MCF2L: variants seen among roughly 807,000 people sequenced by gnomAD.
The protein encoded by MCF2L is MCF.2 cell line derived transforming sequence like, also known as guanine nucleotide exchange factor DBS.
MCF2L carries 97 observed loss-of-function variants against 153.4 expected under a neutral mutation model. The ratio of observed to expected loss-of-function variants is 0.63; its 90% CI spans 0.54 to 0.75. The LOEUF is 0.75. Ranked by LOEUF, MCF2L falls within the 30% of genes least tolerant of loss-of-function variation. The probability of loss-of-function intolerance (pLI) is 0.00; values close to 1 mark genes in which losing one functional copy is unlikely to be tolerated. For synonymous variants in MCF2L, 659 were observed against 632.2 expected, an observed-to-expected ratio of 1.04 and a Z score of -0.64; for missense variants, 1,347 against 1,495.2, an observed-to-expected ratio of 0.90 and a Z score of 1.64.
chr13:113,007,644 G>A (rs1478954212), intron 1 of MCF2L, among the ~76,000 whole-genome samples: 3 of 152,268 alleles, frequency 2.0e-5, no homozygotes, highest in Non-Finnish European at 4.4e-5. Context: ...TACAGACAGG[G>A]CTGAGGAAAG....
upstream of MCF2L, among the ~76,000 whole-genome samples, chr13:112,966,754 G>C (rs1456764777): frequency 6.6e-6 from 1 of 152,220 alleles, no homozygotes; most frequent in Admixed American, 6.5e-5. The surrounding 1 kb of genome is among the most constrained non-coding windows in gnomAD (Gnocchi z 4.1). Flanking sequence ...AGCGGGACAG[G>C]CCAGAGGGTG....
intron 12 of MCF2L, 126 bp downstream of exon 12, chr13:113,076,283 A>G: frequency 1.4e-6 from 1 of 723,956 alleles, no homozygotes; most frequent in South Asian, 3.4e-5. Context: ...TTTTTTTTTG[A>G]GATGGAATCT....
At chr13:113,066,871 T>A (rs928351553) in intron 8 of MCF2L, among the ~76,000 whole-genome samples, 2 of 152,240 alleles carry the variant, frequency 1.3e-5, no homozygotes, top group Non-Finnish European at 2.9e-5. Context: ...CACCCAGGCC[T>A]GGACCAAGCT....
Position 113,065,069 on chromosome 13 carries a change from A to C in MCF2L, c.740A>C (p.Lys247Thr), listed in dbSNP as rs764302488. 6.3e-7 allele frequency: 1 copy of C among 1,576,140 alleles called. No homozygotes were observed. The highest frequency in any genetic ancestry group is 1.4e-5 in the African/African-American group (1 of 71,446). ...TCAGTGCTGTGTGCGCACACAGAGA[A>C]GAAGGACAAGGCGAAGGTACATGGG... ...TSSVLCAHTE[K>T]KDKAKEDLRL... The change falls in exon 7 of 30, where the codon AAG becomes ACG. Residue 247 changes from lysine to threonine, a missense_variant. Transcript: ENST00000535094.
At chr13:113,021,984 C>T (rs1186723507) in intron 2 of MCF2L, among the ~76,000 whole-genome samples, 1 of 152,204 alleles carries the variant, frequency 6.6e-6, no homozygotes, top group African/African-American at 2.4e-5. Context: ...CTCCGGGTCA[C>T]CTGGCCCCCA....
At chr13:113,034,378 C>T (rs959746680) in intron 3 of MCF2L, among the ~76,000 whole-genome samples, 1 of 152,200 alleles carries the variant, frequency 6.6e-6, no homozygotes, top group Non-Finnish European at 1.5e-5. Context: ...CTCAAATGAT[C>T]CACCTGCCTC....
intron 27 of MCF2L, 93 bp from the exon 28 acceptor site, chr13:113,096,277 AG>A (rs2035646533): frequency 1.0e-6 from 1 of 963,436 alleles, no homozygotes; most frequent in Admixed American, 2.2e-5. Context: ...CCACCGGGGC[AG>A]GGCGCTAAGG....
Position 113,045,319 on chromosome 13 carries a change from G to A in MCF2L, c.327G>A (p.Arg109=), listed in dbSNP as rs1175067930. 3.1e-6 allele frequency: 5 copies of A among 1,614,068 alleles called. 1 individual carries two copies. The highest frequency in any genetic ancestry group is 2.7e-5 in the African/African-American group (2 of 75,082). The part of the protein sequence containing the change: ...IGFILVIDRR[R]DKWTSVKASV... The stretch of plus-strand genomic sequence containing the variant: ...TCATCCTGGTGATAGACCGGCGACG[G>A]GACAAATGGACCTCCGTGAAGGCGT... Residue 109 remains arginine, a synonymous_variant, in exon 4 of 30, where the codon CGG becomes CGA. Coordinates refer to ENST00000535094, the MANE Select transcript of MCF2L (RefSeq NM_001112732.3). The surrounding 1 kb of genome is among the most constrained non-coding windows in gnomAD (Gnocchi z 4.2).
chr13:112,975,919 A>G (rs2082197807), intron 1 of MCF2L, among the ~76,000 whole-genome samples: 1 of 102,658 alleles, frequency 9.7e-6, no homozygotes, highest in Non-Finnish European at 2.1e-5. Context: ...CTGCCATAGC[A>G]AGCTCCTGGC....
intron 1 of MCF2L, among the ~76,000 whole-genome samples, chr13:113,007,316 G>T (rs2083769217): frequency 6.6e-6 from 1 of 152,152 alleles, no homozygotes; most frequent in Non-Finnish European, 1.5e-5. Context: ...GTGCCCCCCT[G>T]CATGACAGAC....
intron 4 of MCF2L, among the ~76,000 whole-genome samples, chr13:113,057,263 G>C (rs1339110708): frequency 6.7e-6 from 1 of 148,440 alleles, no homozygotes; most frequent in Non-Finnish European, 1.5e-5. Context: ...TGTGTGTTTG[G>C]GTGCTGAGTG....
chr13:113,096,273 G>A (rs1234413307), intron 27 of MCF2L, 98 bp from the exon 28 acceptor site: 1 of 948,196 alleles, frequency 1.1e-6, no homozygotes. Context: ...GCTCCCACCG[G>A]GGCAGGGCGC....
chr13:113,044,289 G>A (rs1476623280), intron 3 of MCF2L: 10 of 316,018 alleles, frequency 3.2e-5, no homozygotes, highest in Non-Finnish European at 4.4e-5. Flanking sequence ...ACACATGAAC[G>A]TTCGGGGGTC....
intron 2 of MCF2L, among the ~76,000 whole-genome samples, chr13:112,930,123 G>A (rs1254257008): frequency 6.6e-6 from 1 of 152,144 alleles, no homozygotes. Context: ...GGAGGGAGTG[G>A]GGAAGACAGT....
chr13:112,936,799 G>A (rs754789864), intron 2 of MCF2L, among the ~76,000 whole-genome samples: 1 of 152,080 alleles, frequency 6.6e-6, no homozygotes, highest in Non-Finnish European at 1.5e-5. Context: ...TATAACCTAC[G>A]TGCATTCCCT....
Position 112,960,474 on chromosome 13 carries a change from G to T in MCF2L, c.170-54289G>T, listed in dbSNP as rs192507987. Among the ~76,000 whole-genome samples, 3 of 152,200 alleles carry T rather than the reference G, an allele frequency of 2.0e-5. No individual in the cohort carries two copies. The highest frequency in any genetic ancestry group is 2.0e-4 in the Admixed American group (3 of 15,292). On this transcript the variant is annotated intron_variant, in intron 2 of 29. Transcript: ENST00000375608. This position sits in a 1 kb window ranked among gnomAD's most constrained non-coding sequence, Gnocchi z 4.2. ...GACTGCCTTGTCCCCTGCTCATTTT[G>T]GTTGTTGCATTGAAATGTGGGTGTG... is the stretch of plus-strand genomic sequence containing the variant.
At chr13:112,923,257 CTTTTTTTTTTT>C (rs57030206) in intron 2 of MCF2L, among the ~76,000 whole-genome samples, 1 of 78,446 alleles carries the variant, frequency 1.3e-5, no homozygotes, top group South Asian at 6.3e-4. Context: ...GTGTTTGCTT[CTTTTTTTTTTT>C]TTTTTTTTTT....
intron 14 of MCF2L, 69 bp downstream of exon 14, chr13:113,078,505 C>T (rs984712352): frequency 3.6e-5 from 52 of 1,455,454 alleles, no homozygotes; most frequent in South Asian, 2.5e-4. Context: ...CCTGGTTCTC[C>T]GTGTGGCCCC....
rs775507098 is a variant in MCF2L at position 113,076,163 on chromosome 13, G to A, written c.1500+6G>A. The A allele has an allele frequency of 8.7e-6, 14 of 1,603,046 alleles. No homozygotes were observed. Among genetic ancestry groups the A allele is most frequent in the East Asian group, 2.2e-5 (1 of 44,576 alleles). The stretch of plus-strand genomic sequence containing the variant: ...TCCTCAACCAAGATCTCATGGTAAC[G>A]CTGACTCGGGCTCTCCATTTGCAGC... On this transcript the variant is annotated splice_donor_region_variant and intron_variant, in intron 12 of 29. Coordinates refer to ENST00000535094, the MANE Select transcript of MCF2L (RefSeq NM_001112732.3).
Sources: gnomAD v4.1 joint callset for allele counts (sites outside exome capture counted in the v4.1 genomes callset) on GRCh38, gnomAD v4.1.1 for gene constraint, Gnocchi (gnomAD v3.1) non-coding constraint, MANE v1.5 for transcripts, NCBI Gene and HGNC (gene_info 2026-07-23, HGNC 2026-07-21) for gene names.